RAPGEF6: variants seen among roughly 807,000 people sequenced by gnomAD.
RAPGEF6 encodes PDZ domain containing guanine nucleotide exchange factor (GEF) 2.
In RAPGEF6, 56 loss-of-function variants were observed where a neutral mutation model predicts 171.4. The observed-to-expected ratio is 0.33, with a 90% CI of 0.26 to 0.41. The LOEUF (loss-of-function observed/expected upper bound fraction) is 0.41, where lower values mean the gene tolerates loss of function less well. Among genes scored for constraint, RAPGEF6 ranks in the 10% least tolerant of loss-of-function variants. RAPGEF6 has a pLI of 1.00. For synonymous variants in RAPGEF6, 692 were observed against 650.1 expected (o/e 1.06, Z -0.98); for missense variants, 1,674 against 1,921.4 (o/e 0.87, Z 2.41).
At chr5:131,441,735 C>T (rs1296266798) in intron 23 of RAPGEF6, among the ~76,000 whole-genome samples, 1 of 152,036 alleles carries the variant, frequency 6.6e-6, no homozygotes, top group Non-Finnish European at 1.5e-5. Context: ...ATTAAATGAA[C>T]AAAGTTCTAC....
At chr5:131,431,579 C>T (rs955506620) in intron 25 of RAPGEF6, among the ~76,000 whole-genome samples, 1 of 151,824 alleles carries the variant, frequency 6.6e-6, no homozygotes, top group African/African-American at 2.4e-5. Flanking sequence ...AGCAAAATTT[C>T]CTTAGAATTT....
At chr5:131,445,516 T>TGG (rs1752630579) in intron 22 of RAPGEF6, among the ~76,000 whole-genome samples, 2 of 152,058 alleles carry the variant, frequency 1.3e-5, no homozygotes, top group African/African-American at 4.8e-5. Flanking sequence ...TGTGTGTGTG[T>TGG]GTATTTATTT....
chr5:131,486,777 G>A (rs545229177), intron 15 of RAPGEF6, among the ~76,000 whole-genome samples: 16 of 146,706 alleles, frequency 1.1e-4, no homozygotes, highest in South Asian at 6.5e-4. Context: ...TCCCCCAGGC[G>A]GGAGTGCAGT....
chr5:131,626,513 T>C (rs966340319), intron 1 of RAPGEF6, among the ~76,000 whole-genome samples: 15 of 151,894 alleles, frequency 9.9e-5, no homozygotes, highest in Admixed American at 2.6e-4. Context: ...ATGACCTCTC[T>C]TGATCATCCA....
chr5:131,488,912 C>T (rs1288403548), intron 15 of RAPGEF6, among the ~76,000 whole-genome samples: 1 of 152,094 alleles, frequency 6.6e-6, no homozygotes, highest in Non-Finnish European at 1.5e-5. Context: ...AATCAAATCA[C>T]ATTAAATCTT....
At chr5:131,598,522 A>C (rs1429563412) in intron 3 of RAPGEF6, among the ~76,000 whole-genome samples, 1 of 152,328 alleles carries the variant, frequency 6.6e-6, no homozygotes, top group Admixed American at 6.5e-5. Flanking sequence ...AACTGCTGAA[A>C]AGCAAAAAGC....
intron 18 of RAPGEF6, 61 bp downstream of exon 18, chr5:131,463,980 T>C: frequency 6.6e-7 from 1 of 1,510,318 alleles, no homozygotes; most frequent in Non-Finnish European, 8.8e-7. Context: ...ATAGCTGTTT[T>C]AACAGGAAAT....
At chr5:131,516,310 C>T (rs1758081415) in intron 7 of RAPGEF6, among the ~76,000 whole-genome samples, 1 of 151,978 alleles carries the variant, frequency 6.6e-6, no homozygotes, top group African/African-American at 2.4e-5. Flanking sequence ...TCTCAAACTC[C>T]TGACCTCAAG....
chr5:131,490,183 G>T (rs986775209), intron 14 of RAPGEF6, among the ~76,000 whole-genome samples: 2 of 152,032 alleles, frequency 1.3e-5, no homozygotes, highest in African/African-American at 4.8e-5. Flanking sequence ...TTCACAAGAG[G>T]GCTTCCCCAA....
chr5:131,425,828 A>C lies in RAPGEF6; in HGVS notation c.*1438T>G, dbSNP rs1226791189. 6.6e-6 allele frequency: 1 copy of C among 151,028 alleles called. No individual in the cohort carries two copies. The highest frequency in any genetic ancestry group is 1.5e-5 in the Non-Finnish European group (1 of 67,870). 9.4% of individuals were successfully genotyped at this position (151,028 alleles called of 1,614,324 possible). A position where few individuals can be genotyped will look rare whatever the true frequency, so the allele number is the denominator to read the frequency against. Reference sequence around the variant, plus strand: ...TGTGGACACATACGGACAGCCATTCAGAAGTAAACCCCTTTTGGCTCCAAG... The same window carrying C: ...TGTGGACACATACGGACAGCCATTCCGAAGTAAACCCCTTTTGGCTCCAAG... On this transcript the variant is annotated 3_prime_UTR_variant, in exon 28 of 28. Coordinates refer to ENST00000509018, the MANE Select transcript of RAPGEF6 (RefSeq NM_016340.6).
chr5:131,489,661 A>C lies in RAPGEF6; in HGVS notation c.1732-7T>G, dbSNP rs1561505791. The C allele has an allele frequency of 2.1e-6, 3 of 1,458,938 alleles. No individual in the cohort carries two copies. Among genetic ancestry groups the C allele is most frequent in the Non-Finnish European group, 2.8e-6 (3 of 1,060,366 alleles). 90.4% of individuals were successfully genotyped at this position (1,458,938 alleles called of 1,614,324 possible). A position where few individuals can be genotyped will look rare whatever the true frequency, so the allele number is the denominator to read the frequency against. On this transcript the variant is annotated splice_region_variant and splice_polypyrimidine_tract_variant and intron_variant, in intron 14 of 27. Transcript: ENST00000509018. ...GTCCATTTACTTCCATAATCTTAAA[A>C]GTATTTAAAAAATACAAATTAATAC... is the stretch of plus-strand genomic sequence containing the variant.
At chr5:131,525,176 C>T (rs1304918058) in intron 6 of RAPGEF6, among the ~76,000 whole-genome samples, 2 of 151,978 alleles carry the variant, frequency 1.3e-5, no homozygotes, top group Non-Finnish European at 2.9e-5. Flanking sequence ...AATTAACAAA[C>T]GACCTAAAGA....
chr5:131,624,997 C>T (rs1765817623), intron 1 of RAPGEF6, among the ~76,000 whole-genome samples: 1 of 152,254 alleles, frequency 6.6e-6, no homozygotes, highest in Admixed American at 6.5e-5. Flanking sequence ...GGTGCAGTGG[C>T]TCACACCTGT....
intron 12 of RAPGEF6, among the ~76,000 whole-genome samples, chr5:131,496,725 C>T (rs527841714): frequency 4.9e-4 from 74 of 152,210 alleles, no homozygotes; most frequent in African/African-American, 1.6e-3. Flanking sequence ...TTTTATTGTA[C>T]GGCTATACCA....
At chr5:131,518,754 T>G (rs1758271983) in intron 7 of RAPGEF6, among the ~76,000 whole-genome samples, 1 of 152,124 alleles carries the variant, frequency 6.6e-6, no homozygotes, top group Non-Finnish European at 1.5e-5. Context: ...ATCTTAGGTT[T>G]TATATATTTG....
At chr5:131,584,962 G>C (rs1763158512) in intron 4 of RAPGEF6, among the ~76,000 whole-genome samples, 1 of 152,144 alleles carries the variant, frequency 6.6e-6, no homozygotes, top group African/African-American at 2.4e-5. Context: ...AGTAATAACA[G>C]GAGTTTAACA....
chr5:131,496,606 C>CAAT (rs1486509479), intron 12 of RAPGEF6, among the ~76,000 whole-genome samples: 2 of 152,324 alleles, frequency 1.3e-5, no homozygotes, highest in East Asian at 3.9e-4. Flanking sequence ...TAGAATCATA[C>CAAT]AATACCTAGC....
chr5:131,571,265 T>C (rs1235999734), intron 4 of RAPGEF6, among the ~76,000 whole-genome samples: 3 of 152,036 alleles, frequency 2.0e-5, no homozygotes, highest in African/African-American at 7.2e-5. Context: ...TATTAATAGA[T>C]TGACAACAAG....
intron 15 of RAPGEF6, among the ~76,000 whole-genome samples, 185 bp downstream of exon 15, chr5:131,489,361 T>G (rs1756130879): frequency 2.6e-5 from 4 of 152,146 alleles, no homozygotes. Flanking sequence ...TCAAAATAAT[T>G]AAAAACATAA....
Sources: gnomAD v4.1 joint callset for allele counts (sites outside exome capture counted in the v4.1 genomes callset) on GRCh38, gnomAD v4.1.1 for gene constraint, MANE v1.5 for transcripts, NCBI Gene and HGNC (gene_info 2026-07-23, HGNC 2026-07-21) for gene names.